WIPF1: variants seen among roughly 807,000 people sequenced by gnomAD.
The protein encoded by WIPF1 is WAS/WASL interacting protein family member 1.
WIPF1 carries 13 observed loss-of-function variants against 35.4 expected under a neutral mutation model. That is an observed-to-expected ratio of 0.37 (90% CI 0.24 to 0.58). WIPF1 has a LOEUF of 0.58. WIPF1 is among the 20% of genes least tolerant of loss of function. The pLI, the probability that WIPF1 is intolerant of heterozygous loss-of-function variation, is 0.74. For synonymous variants in WIPF1, 267 were observed against 266.3 expected (o/e 1.00, Z -0.02); for missense variants, 591 against 667.0 (o/e 0.89, Z 1.25).
chr2:174,635,406 G>C (rs1233855514), intron 1 of WIPF1, among the ~76,000 whole-genome samples: 1 of 152,188 alleles, frequency 6.6e-6, no homozygotes, highest in Admixed American at 6.5e-5. Flanking sequence ...AAGAGTGCCG[G>C]CTGTGACCCT....
chr2:174,620,243 A>G (rs1210681634), intron 1 of WIPF1, among the ~76,000 whole-genome samples: 1 of 152,202 alleles, frequency 6.6e-6, no homozygotes, highest in Non-Finnish European at 1.5e-5. Flanking sequence ...AAGGTAACCA[A>G]AACTCAGAGA....
At position 174,572,059 on chromosome 2, in the gene WIPF1, C is replaced by G; in HGVS notation, c.746G>C (p.Arg249Pro). The change falls in exon 5 of 8, where the codon CGG (arginine) becomes CCG (proline). Residue 249 changes from arginine to proline, a missense_variant. Physicochemically the swap from Arg to Pro is moderately radical, Grantham distance 103. Transcript: ENST00000679041. ...GCTGGGGGTAGGCGGCAGGGGAGGC[C>G]GGTTGGAGAAGGGCGAGGAGGAGCT... ...PLSSSSPFSN[R>P]PPLPPTPSRA... 1.9e-6 allele frequency: 3 copies of G among 1,552,390 alleles called. No individual in the cohort carries two copies. The highest frequency in any genetic ancestry group is 2.6e-6 in the Non-Finnish European group (3 of 1,151,630).
chr2:174,620,370 G>T (rs995344102), intron 1 of WIPF1, among the ~76,000 whole-genome samples: 1 of 152,160 alleles, frequency 6.6e-6, no homozygotes, highest in Non-Finnish European at 1.5e-5. Flanking sequence ...ACAAGCCATT[G>T]TTACCGGGGT....
intron 1 of WIPF1, among the ~76,000 whole-genome samples, chr2:174,632,023 C>T (rs1469858148): frequency 6.6e-6 from 1 of 152,150 alleles, no homozygotes; most frequent in African/African-American, 2.4e-5. Flanking sequence ...AGGAATGTGT[C>T]CATACTGTTC....
At position 174,572,287 on chromosome 2, in the gene WIPF1, C is replaced by T; in HGVS notation, c.518G>A (p.Arg173Lys). Residue 173 changes from arginine to lysine, a missense_variant, in exon 5 of 8, where the codon AGG becomes AAG. By Grantham distance (26) the Arg-to-Lys change is conservative. Around this residue, in one of 3 missense-constraint regions of WIPF1, gnomAD observed 471 missense variants for 501.1 expected, o/e 0.94. Transcript: ENST00000679041. Reference sequence around the variant, plus strand: ...ATCAGGCTTTGAGCCCACGTCGGGCCTTGGGGGCGGCATTCGGTTCCTCTG... The same window carrying T: ...ATCAGGCTTTGAGCCCACGTCGGGCTTTGGGGGCGGCATTCGGTTCCTCTG... ...EPQRNRMPPP[R>K]PDVGSKPDSI... The T allele has an allele frequency of 6.2e-7, 1 of 1,614,028 alleles. No homozygotes were observed. Among genetic ancestry groups the T allele is most frequent in the Non-Finnish European group, 8.5e-7 (1 of 1,179,992 alleles).
intron 1 of WIPF1, among the ~76,000 whole-genome samples, chr2:174,644,354 G>A (rs1367220): frequency 0.79 from 119,605 of 152,086 alleles, 47,396 homozygotes; most frequent in East Asian, 0.97. Context: ...AAGAATAATT[G>A]TATAAGAGGT....
chr2:174,567,850 C>A lies in WIPF1; in HGVS notation c.1342+11G>T. On this transcript the variant is annotated intron_variant, in intron 6 of 7. Coordinates refer to ENST00000679041, the MANE Select transcript of WIPF1 (RefSeq NM_001375834.1). ...TGCCCTATAGCCCAGGGAGCTGGGA[C>A]CACACCTCACCTTCACATGGAGAGT... 6.4e-7 allele frequency: 1 copy of A among 1,560,032 alleles called. No individual in the cohort carries two copies. The highest frequency in any genetic ancestry group is 1.9e-5 in the Admixed American group (1 of 52,446).
rs1004103702 is a variant in WIPF1 at position 174,610,811 on chromosome 2, C to G, written c.-38-25200G>C. Among the ~76,000 whole-genome samples, 7 of 152,310 alleles carry G rather than the reference C, an allele frequency of 4.6e-5. No individual in the cohort carries two copies. The East Asian group carries it at 1.4e-3, about 29-fold the overall frequency. On this transcript the variant is annotated intron_variant, in intron 1 of 8. Coordinates refer to the WIPF1 transcript ENST00000272746. The stretch of plus-strand genomic sequence containing the variant: ...CCCAGCTCCTGACCACGGCTCCTCT[C>G]TGTCACCAGCACTTCCTCCTTCCAG...
intron 1 of WIPF1, among the ~76,000 whole-genome samples, chr2:174,644,369 A>G (rs1687358410): frequency 6.6e-6 from 1 of 152,250 alleles, no homozygotes; most frequent in South Asian, 2.1e-4. Flanking sequence ...AGAGGTTGTA[A>G]TATTACACAG....
intron 1 of WIPF1, among the ~76,000 whole-genome samples, chr2:174,608,457 T>C (rs1321290141): frequency 6.6e-6 from 1 of 152,072 alleles, no homozygotes; most frequent in Non-Finnish European, 1.5e-5. Context: ...CCTTATTTCT[T>C]TGAAGAGAAA....
chr2:174,640,890 A>G (rs981818463), intron 1 of WIPF1, among the ~76,000 whole-genome samples: 9 of 152,252 alleles, frequency 5.9e-5, no homozygotes, highest in African/African-American at 2.2e-4. Flanking sequence ...CATTCTTCAC[A>G]GAAACAGAAA....
At chr2:174,569,227 C>T (rs1304863465) in intron 5 of WIPF1, among the ~76,000 whole-genome samples, 10 of 152,194 alleles carry the variant, frequency 6.6e-5, no homozygotes, top group Non-Finnish European at 1.5e-4. Flanking sequence ...CTGCCCACTG[C>T]AGATATCCCT....
chr2:174,567,286 A>C (rs1001873494), intron 6 of WIPF1, 103 bp from the exon 7 acceptor site: 1 of 1,099,324 alleles, frequency 9.1e-7, no homozygotes, highest in Non-Finnish European at 1.3e-6. Context: ...CACAGACATC[A>C]GTGCTAGTTT....
intron 1 of WIPF1, among the ~76,000 whole-genome samples, chr2:174,674,957 A>C (rs564048851): frequency 2.0e-5 from 3 of 148,486 alleles, no homozygotes; most frequent in African/African-American, 7.7e-5. Context: ...CAGATGTTCC[A>C]GGAAGAATGG....
At chr2:174,630,117 A>G (rs1686973979) in intron 1 of WIPF1, among the ~76,000 whole-genome samples, 1 of 152,224 alleles carries the variant, frequency 6.6e-6, no homozygotes, top group Non-Finnish European at 1.5e-5. Context: ...ACACACACGT[A>G]TATTTGTGTG....
At chr2:174,613,849 A>T (rs952296745) in intron 1 of WIPF1, among the ~76,000 whole-genome samples, 1 of 152,172 alleles carries the variant, frequency 6.6e-6, no homozygotes, top group Non-Finnish European at 1.5e-5. Context: ...GTTATGGGTT[A>T]TTTTTTAAAA....
rs190852019 is a variant in WIPF1, at chr2:174,562,391, C to T, written c.*156G>A. ...ATGAAAAGCTAGGTGCATTTCTTAC[C>T]GATTCCCACCCACACACGCATATTC... On this transcript the variant is annotated 3_prime_UTR_variant, in exon 8 of 8. Transcript: ENST00000679041. 9 of 1,495,196 alleles carry T rather than the reference C, an allele frequency of 6.0e-6. No individual in the cohort carries two copies. The highest frequency in any genetic ancestry group is 2.8e-5 in the African/African-American group (2 of 71,304). 92.6% of individuals were successfully genotyped at this position (1,495,196 alleles called of 1,614,324 possible).
At chr2:174,621,753 T>C (rs1231051451) in intron 1 of WIPF1, among the ~76,000 whole-genome samples, 1 of 152,220 alleles carries the variant, frequency 6.6e-6, no homozygotes, top group African/African-American at 2.4e-5. Flanking sequence ...TGTCCTTTCA[T>C]ACTAAGTATT....
In WIPF1 at chr2:174,584,748, CT is replaced by C. The variant is rs1168771266; in HGVS notation, c.51+774del. ...CCAACATGGTGAAACCCCGTCCATA[CT>C]AAAAATACAAAAATTAGCTGGGCAT... On this transcript the variant is annotated intron_variant, in intron 2 of 7. Coordinates refer to ENST00000679041, the MANE Select transcript of WIPF1 (RefSeq NM_001375834.1). 6.3e-3 allele frequency among the ~76,000 whole-genome samples: 953 copies of C among 152,152 alleles called. 12 individuals carry two copies. The highest frequency in any genetic ancestry group is 0.022 in the African/African-American group (919 of 41,524).
Sources: allele counts gnomAD v4.1 joint callset (sites outside exome capture counted in the v4.1 genomes callset), GRCh38; gene constraint gnomAD v4.1.1; regional missense constraint gnomAD v4.1.1; transcripts MANE v1.5; gene names NCBI Gene and HGNC (gene_info 2026-07-23, HGNC 2026-07-21).